SH3KBP1: variants seen among roughly 807,000 people sequenced by gnomAD.
SH3KBP1 encodes the protein SH3 domain-containing kinase-binding protein 1.
SH3KBP1 carries 8 observed loss-of-function variants against 50.1 expected under a neutral mutation model. The ratio of observed to expected loss-of-function variants is 0.16; its 90% CI spans 0.09 to 0.29. The LOEUF (loss-of-function observed/expected upper bound fraction) is 0.29, where lower values mean the gene tolerates loss of function less well. SH3KBP1 is among the 10% of genes least tolerant of loss of function. The probability of loss-of-function intolerance (pLI) is 1.00; values close to 1 mark genes in which losing one functional copy is unlikely to be tolerated. For synonymous variants in SH3KBP1, 227 were observed against 218.6 expected (o/e 1.04, Z -0.34); for missense variants, 377 against 535.2 (o/e 0.70, Z 2.92).
chrX:19,637,630 A>G (rs1244052740), intron 7 of SH3KBP1, among the ~76,000 whole-genome samples: 1 of 111,264 alleles, frequency 9.0e-6, no homozygotes, highest in Admixed American at 9.5e-5. Context: ...TTCCCAATCA[A>G]TCATCCCTGA....
intron 1 of SH3KBP1, among the ~76,000 whole-genome samples, chrX:19,856,899 A>G (rs1368677923): frequency 1.0e-5 from 1 of 95,764 alleles, no homozygotes. Context: ...GTACACTAAG[A>G]TTATGTTTCT....
intron 2 of SH3KBP1, among the ~76,000 whole-genome samples, chrX:19,779,702 T>C (rs1279827823): frequency 9.4e-6 from 1 of 106,692 alleles, no homozygotes; most frequent in South Asian, 4.3e-4. Context: ...CTTACAATAG[T>C]TGACTGAGAA....
At position 19,794,486 on chromosome X, in the gene SH3KBP1, G is replaced by A. The variant is rs1007429041; in HGVS notation, c.162+41639C>T. On this transcript the variant is annotated intron_variant, in intron 2 of 17. Transcript: ENST00000397821. ...TGGGAGGCTGAGGCGGGCGGATCAC[G>A]AGGTCAGGAGATCGAGACCATCCTG... Among the ~76,000 whole-genome samples, 3 of 110,400 alleles carry A rather than the reference G, an allele frequency of 2.7e-5. No individual in the cohort carries two copies. The Admixed American group carries it at 2.9e-4, about 11-fold the overall frequency.
chrX:19,845,364 G>A (rs948708861), intron 1 of SH3KBP1, among the ~76,000 whole-genome samples: 34 of 107,256 alleles, frequency 3.2e-4, no homozygotes, highest in Non-Finnish European at 5.8e-4. Context: ...TGTAGTCCCC[G>A]CTACTCGGGA....
chrX:19,858,446 T>G (rs1444957986), intron 1 of SH3KBP1, among the ~76,000 whole-genome samples: 1 of 110,469 alleles, frequency 9.1e-6, no homozygotes, highest in East Asian at 2.8e-4. Flanking sequence ...CATAGTGAGA[T>G]CCCATCTCTA....
chrX:19,594,821 C>A (rs112043199), intron 10 of SH3KBP1, 128 bp downstream of exon 10: 15 of 505,307 alleles, frequency 3.0e-5, no homozygotes, highest in Non-Finnish European at 4.8e-5. Flanking sequence ...GAGACCAAAT[C>A]GTAACTTCCC....
chrX:19,591,303 T>C (rs769243307), intron 11 of SH3KBP1, among the ~76,000 whole-genome samples: 2 of 112,075 alleles, frequency 1.8e-5, no homozygotes, highest in African/African-American at 3.2e-5. Flanking sequence ...CGTAATAACA[T>C]AGCACTTTTC....
chrX:19,568,848 TTCA>T (rs1462232272), intron 13 of SH3KBP1, among the ~76,000 whole-genome samples: 1 of 112,758 alleles, frequency 8.9e-6, no homozygotes, highest in Non-Finnish European at 1.9e-5. Flanking sequence ...AAAAGGCTTA[TTCA>T]TCATTTCTTT....
intron 13 of SH3KBP1, among the ~76,000 whole-genome samples, chrX:19,551,023 G>T (rs1012513540): frequency 1.6e-4 from 18 of 111,607 alleles, no homozygotes; most frequent in African/African-American, 5.9e-4. Flanking sequence ...ACTTTATTTT[G>T]GGGAGAATTC....
intron 14 of SH3KBP1, among the ~76,000 whole-genome samples, chrX:19,548,121 T>C (rs1030967976): frequency 3.2e-4 from 36 of 112,394 alleles, no homozygotes; most frequent in African/African-American, 1.1e-3. Context: ...AGGGGATAGA[T>C]GTCTATAAAG....
At chrX:19,735,852 T>G (rs1319095129) in intron 3 of SH3KBP1, among the ~76,000 whole-genome samples, 1 of 108,284 alleles carries the variant, frequency 9.2e-6, no homozygotes, top group Non-Finnish European at 1.9e-5. Flanking sequence ...GACTTTCAAG[T>G]AGCTGGGACT....
chrX:19,882,282 A>G (rs2069455965), intron 1 of SH3KBP1, among the ~76,000 whole-genome samples: 1 of 110,802 alleles, frequency 9.0e-6, no homozygotes, highest in South Asian at 3.9e-4. Context: ...CACATCCTAA[A>G]GCCCAGGATG....
chrX:19,670,839 C>CAA lies in SH3KBP1; in HGVS notation c.726+12982_726+12983dup, dbSNP rs397973698. The CAA allele has an allele frequency of 2.9e-4, 289 of 990,191 alleles. 3 individuals are homozygous for CAA. The highest frequency in any genetic ancestry group is 2.5e-3 in the African/African-American group (72 of 28,974). The allele number at this position is 990,191 out of a possible 1,213,427, so 81.6% of individuals were successfully genotyped here. A position where few individuals can be genotyped will look rare whatever the true frequency, so the allele number is the denominator to read the frequency against. Reference sequence around the variant, plus strand: ...ACTGGATTTATTACAACTCTAAAAGCAAAAAAAAAAAAAAAGAAATACCTC... The same window carrying CAA: ...ACTGGATTTATTACAACTCTAAAAGCAAAAAAAAAAAAAAAAAGAAATACCTC... On this transcript the variant is annotated intron_variant, in intron 6 of 17. Transcript: ENST00000397821.
At chrX:19,872,996 C>T (rs1410521749) in intron 1 of SH3KBP1, among the ~76,000 whole-genome samples, 7 of 109,266 alleles carry the variant, frequency 6.4e-5, no homozygotes, top group African/African-American at 2.3e-4. Flanking sequence ...AACTCTTCTT[C>T]CTTCTCATCA....
At chrX:19,851,039 C>T (rs938049834) in intron 1 of SH3KBP1, among the ~76,000 whole-genome samples, 1 of 111,122 alleles carries the variant, frequency 9.0e-6, no homozygotes, top group South Asian at 3.8e-4. Flanking sequence ...CAGAATGGGG[C>T]GGGGGGCAGG....
chrX:19,596,166 C>T (rs749843821), intron 9 of SH3KBP1, among the ~76,000 whole-genome samples: 2 of 111,639 alleles, frequency 1.8e-5, no homozygotes, highest in East Asian at 2.8e-4. Context: ...GCCAGTTAAC[C>T]TTCCTTTACC....
chrX:19,575,673 G>T (rs1439122529), intron 12 of SH3KBP1, among the ~76,000 whole-genome samples: 1 of 112,262 alleles, frequency 8.9e-6, no homozygotes, highest in Admixed American at 9.5e-5. Flanking sequence ...ATCCTTCCAA[G>T]TAGGGAAGCT....
chrX:19,698,118 T>C (rs1293863228), intron 4 of SH3KBP1, among the ~76,000 whole-genome samples: 5 of 111,809 alleles, frequency 4.5e-5, no homozygotes, highest in East Asian at 5.6e-4. Flanking sequence ...TCAGTATCAA[T>C]AGTCACAGGA....
Position 19,687,517 on chromosome X carries a change from G to A in SH3KBP1, c.521-3489C>T, listed in dbSNP as rs945141967. On this transcript the variant is annotated intron_variant, in intron 5 of 17. Transcript: ENST00000397821. The stretch of plus-strand genomic sequence containing the variant: ...GGATCAGAAATTCACACAGACACTT[G>A]GCATAAGCATGAGCAGCTCAGGAAA... 1.3e-5 allele frequency: 8 copies of A among 639,775 alleles called. No homozygotes were observed. In the Admixed American group the frequency reaches 2.0e-4, roughly 16 times the overall value. 52.7% of individuals were successfully genotyped at this position (639,775 alleles called of 1,213,427 possible).
Sources: gnomAD v4.1 joint callset for allele counts (sites outside exome capture counted in the v4.1 genomes callset) on GRCh38, gnomAD v4.1.1 for gene constraint, MANE v1.5 for transcripts, NCBI Gene and HGNC (gene_info 2026-07-23, HGNC 2026-07-21) for gene names.